TCF4: variants seen among roughly 807,000 people sequenced by gnomAD.
TCF4 encodes transcription factor 4.
In TCF4, 3 loss-of-function variants were observed where a neutral mutation model predicts 82.1. That is an observed-to-expected ratio of 0.04 (90% CI 0.02 to 0.09). The LOEUF is 0.09. Ranked by LOEUF, TCF4 falls within the 10% of genes least tolerant of loss-of-function variation. The pLI is 1.00. For synonymous variants in TCF4, 276 were observed against 309.6 expected, an observed-to-expected ratio of 0.89 and a Z score of 1.14; for missense variants, 518 against 852.7, an observed-to-expected ratio of 0.61 and a Z score of 4.89.
At chr18:55,458,872 C>T (rs1218680953) in intron 5 of TCF4, among the ~76,000 whole-genome samples, 1 of 152,156 alleles carries the variant, frequency 6.6e-6, no homozygotes, top group Non-Finnish European at 1.5e-5. Flanking sequence ...TACCCTCTCG[C>T]TCTGAGGGTG....
At chr18:55,455,851 G>C (rs898202093) in intron 5 of TCF4, among the ~76,000 whole-genome samples, 2 of 152,162 alleles carry the variant, frequency 1.3e-5, no homozygotes, top group African/African-American at 4.8e-5. Context: ...TTTCTTTGTA[G>C]TCATGCTTTT....
intron 8 of TCF4, among the ~76,000 whole-genome samples, chr18:55,313,422 T>C (rs990241767): frequency 2.6e-5 from 4 of 152,130 alleles, no homozygotes; most frequent in African/African-American, 4.8e-5. Context: ...AATGGCATTG[T>C]ATCTATTTCT....
chr18:55,413,719 A>G (rs575371266), intron 5 of TCF4, among the ~76,000 whole-genome samples: 1 of 152,316 alleles, frequency 6.6e-6, no homozygotes, highest in Non-Finnish European at 1.5e-5. Context: ...GAGAGGGAGG[A>G]AAAAGAGAAA....
intron 2 of TCF4, among the ~76,000 whole-genome samples, chr18:55,610,791 C>T (rs553883923): frequency 1.3e-5 from 2 of 152,284 alleles, no homozygotes; most frequent in East Asian, 1.9e-4. Flanking sequence ...CCTTTTGTGA[C>T]ATTTGTTTTG....
intron 3 of TCF4, among the ~76,000 whole-genome samples, chr18:55,528,633 G>T (rs1178122077): frequency 1.3e-5 from 2 of 152,112 alleles, no homozygotes; most frequent in African/African-American, 4.8e-5. Context: ...CACAGAAATT[G>T]GACAACACCA....
At chr18:55,469,122 C>A (rs755546034) in intron 3 of TCF4, among the ~76,000 whole-genome samples, 1 of 152,170 alleles carries the variant, frequency 6.6e-6, no homozygotes, top group African/African-American at 2.4e-5. Context: ...TGAAAATCCA[C>A]AAATTTTCAT....
At chr18:55,313,956 TCA>T (rs1230207426) in intron 8 of TCF4, among the ~76,000 whole-genome samples, 2 of 152,008 alleles carry the variant, frequency 1.3e-5, no homozygotes, top group Admixed American at 1.3e-4. Context: ...CCTTACAAAT[TCA>T]CAGAGTAGAG....
intron 5 of TCF4, among the ~76,000 whole-genome samples, chr18:55,404,656 A>T (rs925516368): frequency 6.6e-6 from 1 of 152,206 alleles, no homozygotes; most frequent in African/African-American, 2.4e-5. Flanking sequence ...GCTAAAAGTA[A>T]CAGTAGTCTT....
intron 3 of TCF4, among the ~76,000 whole-genome samples, chr18:55,493,440 A>C (rs551892907): frequency 6.6e-6 from 1 of 152,282 alleles, no homozygotes; most frequent in Admixed American, 6.5e-5. Flanking sequence ...ACATGTCTTG[A>C]AACAAGCTTT....
At chr18:55,266,340 A>G (rs559392150) in intron 11 of TCF4, 2 of 152,332 alleles carry the variant, frequency 1.3e-5, no homozygotes, top group Admixed American at 6.5e-5. Context: ...GCTTCTGAGA[A>G]TACCCAGTGG....
At chr18:55,423,173 T>TAAA (rs10623644) in intron 5 of TCF4, among the ~76,000 whole-genome samples, 29 of 151,348 alleles carry the variant, frequency 1.9e-4, no homozygotes, top group East Asian at 3.9e-4. Context: ...CAGTTCTTAA[T>TAAA]AAAAAAAAAT....
At chr18:55,379,595 C>T (rs2091522886) in intron 6 of TCF4, among the ~76,000 whole-genome samples, 1 of 152,100 alleles carries the variant, frequency 6.6e-6, no homozygotes. Flanking sequence ...TAGCCATTCC[C>T]CAGGAACAAC....
chr18:55,287,271 C>T (rs935338099), intron 8 of TCF4, among the ~76,000 whole-genome samples: 19 of 152,172 alleles, frequency 1.2e-4, no homozygotes, highest in African/African-American at 4.1e-4. Flanking sequence ...ATATTTAGAA[C>T]ACAAACCACT....
intron 8 of TCF4, among the ~76,000 whole-genome samples, chr18:55,338,146 G>A (rs566508725): frequency 1.3e-5 from 2 of 152,106 alleles, no homozygotes; most frequent in African/African-American, 2.4e-5. Flanking sequence ...GATGCCAAGC[G>A]GACTACAGCT....
At chr18:55,494,184 ATT>A (rs2096606315) in intron 3 of TCF4, among the ~76,000 whole-genome samples, 1 of 151,846 alleles carries the variant, frequency 6.6e-6, no homozygotes, top group Non-Finnish European at 1.5e-5. Context: ...ACACACACAG[ATT>A]AGTCAGGCAT....
chr18:55,353,660 G>C (rs1289182569), intron 6 of TCF4, among the ~76,000 whole-genome samples: 1 of 152,068 alleles, frequency 6.6e-6, no homozygotes, highest in Admixed American at 6.6e-5. Context: ...CTATTGTCTG[G>C]CCTTTACGTC....
intron 5 of TCF4, among the ~76,000 whole-genome samples, chr18:55,456,980 G>A (rs1351048682): frequency 6.6e-6 from 1 of 152,162 alleles, no homozygotes; most frequent in East Asian, 1.9e-4. Flanking sequence ...ATTTTCTCCA[G>A]ATATAAAACA....
chr18:55,461,557 T>C (rs1249445241), intron 4 of TCF4, among the ~76,000 whole-genome samples: 1 of 152,144 alleles, frequency 6.6e-6, no homozygotes. Flanking sequence ...ATTCAAACAA[T>C]AACATTTGGT....
intron 4 of TCF4, 99 bp downstream of exon 4, chr18:55,463,977 T>TGTGAGAGAGAGAGA (rs867214369): frequency 2.0e-5 from 6 of 302,970 alleles, no homozygotes; most frequent in African/African-American, 7.3e-5. Context: ...TGTGTGTGTG[T>TGTGAGAGAGAGAGA]GAGAGAGAGA....
Sources: gnomAD v4.1 joint callset for allele counts (sites outside exome capture counted in the v4.1 genomes callset) on GRCh38, gnomAD v4.1.1 for gene constraint, MANE v1.5 for transcripts, NCBI Gene and HGNC (gene_info 2026-07-23, HGNC 2026-07-21) for gene names.